The following CNTNAP2 variants were observed in gnomAD, a reference collection of about 807,000 sequenced individuals.
CNTNAP2 encodes the protein contactin-associated protein-like 2.
CNTNAP2 carries 98 observed loss-of-function variants against 155.2 expected under a neutral mutation model. That is an observed-to-expected ratio of 0.63 (90% CI 0.54 to 0.75). The LOEUF (loss-of-function observed/expected upper bound fraction) is 0.75. Ranked by LOEUF, CNTNAP2 falls within the 30% of genes least tolerant of loss-of-function variation. The pLI is 0.00. For missense variants in CNTNAP2, 1,727 were observed against 1,688.1 expected (o/e 1.02, Z -0.40); for synonymous variants, 651 against 631.2 (o/e 1.03, Z -0.47).
intron 21 of CNTNAP2, among the ~76,000 whole-genome samples, chr7:148,351,361 G>A (rs76565656): frequency 0.12 from 18,769 of 152,022 alleles, 1,878 homozygotes; most frequent in East Asian, 0.5. Context: ...GAGAGGAGCT[G>A]GGGAAATGCA....
intron 21 of CNTNAP2, among the ~76,000 whole-genome samples, chr7:148,313,107 A>G (rs778357546): frequency 6.6e-6 from 1 of 151,498 alleles, no homozygotes; most frequent in Non-Finnish European, 1.5e-5. Context: ...AGAGTTGGGG[A>G]GTTTTAAGAG....
At chr7:146,533,144 A>G (rs1245005504) in intron 1 of CNTNAP2, among the ~76,000 whole-genome samples, 1 of 149,210 alleles carries the variant, frequency 6.7e-6, no homozygotes, top group African/African-American at 2.5e-5. Context: ...AAGCTGAATC[A>G]TACAGCCCTC....
intron 1 of CNTNAP2, among the ~76,000 whole-genome samples, chr7:146,362,536 T>C (rs1249593320): frequency 2.6e-5 from 4 of 152,020 alleles, no homozygotes; most frequent in Non-Finnish European, 4.4e-5. Context: ...AGGCAAGAAA[T>C]ATGTTTTCAT....
chr7:147,730,865 A>G (rs1037381541), intron 13 of CNTNAP2, among the ~76,000 whole-genome samples: 3 of 152,152 alleles, frequency 2.0e-5, no homozygotes, highest in Non-Finnish European at 4.4e-5. Context: ...CAGTGAAAAC[A>G]TGAACGATAG....
intron 13 of CNTNAP2, among the ~76,000 whole-genome samples, chr7:147,661,206 C>T (rs1341985228): frequency 6.6e-6 from 1 of 152,110 alleles, no homozygotes; most frequent in African/African-American, 2.4e-5. Context: ...CTCAAAAATC[C>T]AAATATTTCC....
rs551112312 is a variant in CNTNAP2 at position 146,415,796 on chromosome 7, A to T, written c.97+298823A>T. Among the ~76,000 whole-genome samples, 17 of 152,230 alleles carry T rather than the reference A, an allele frequency of 1.1e-4. No homozygotes were observed. In the South Asian group the frequency reaches 3.3e-3, roughly 30 times the overall value. ...CGATAAATTTAAAAAATTACAAGTG[A>T]TATTTATATATGTAAAATGAGGGAA... is the stretch of plus-strand genomic sequence containing the variant. On this transcript the variant is annotated intron_variant, in intron 1 of 23. Coordinates refer to ENST00000361727, the MANE Select transcript of CNTNAP2 (RefSeq NM_014141.6).
At chr7:148,180,178 C>T (rs1197301332) in intron 18 of CNTNAP2, among the ~76,000 whole-genome samples, 2 of 152,188 alleles carry the variant, frequency 1.3e-5, no homozygotes, top group African/African-American at 4.8e-5. Flanking sequence ...TCTTAATAAT[C>T]CCAGCTTGGA....
intron 11 of CNTNAP2, among the ~76,000 whole-genome samples, chr7:147,505,114 G>A (rs950285373): frequency 2.6e-5 from 4 of 152,042 alleles, no homozygotes; most frequent in African/African-American, 9.7e-5. Context: ...ATGCTGCAAA[G>A]CTCACTCCGG....
intron 9 of CNTNAP2, among the ~76,000 whole-genome samples, chr7:147,318,391 G>A (rs1011104420): frequency 1.3e-5 from 2 of 152,204 alleles, no homozygotes; most frequent in Non-Finnish European, 2.9e-5. Context: ...CCAAGATCGT[G>A]CCACTGCACT....
intron 1 of CNTNAP2, among the ~76,000 whole-genome samples, chr7:146,567,041 G>GT (rs1396841523): frequency 6.6e-6 from 1 of 152,224 alleles, no homozygotes; most frequent in Non-Finnish European, 1.5e-5. Flanking sequence ...TTATTTCCTG[G>GT]TTTAAGTGAT....
intron 18 of CNTNAP2, among the ~76,000 whole-genome samples, chr7:148,212,748 A>C (rs1056037305): frequency 6.6e-6 from 1 of 152,126 alleles, no homozygotes; most frequent in Non-Finnish European, 1.5e-5. Context: ...CAGTACCCTG[A>C]TTTGGCATTT....
chr7:147,044,168 T>C, intron 4 of CNTNAP2, 114 bp downstream of exon 4: 11 of 1,132,674 alleles, frequency 9.7e-6, no homozygotes, highest in Non-Finnish European at 9.2e-6. Context: ...AACTACCTTC[T>C]CATTTACATA....
At chr7:147,805,875 A>G (rs1766449200) in intron 13 of CNTNAP2, among the ~76,000 whole-genome samples, 2 of 152,186 alleles carry the variant, frequency 1.3e-5, no homozygotes, top group Non-Finnish European at 2.9e-5. Flanking sequence ...GCTTCAATGT[A>G]AGACCTGAAA....
At chr7:146,191,500 G>A (rs530187120) in intron 1 of CNTNAP2, among the ~76,000 whole-genome samples, 1 of 152,296 alleles carries the variant, frequency 6.6e-6, no homozygotes, top group East Asian at 1.9e-4. Flanking sequence ...TTTGAGAGCA[G>A]ACAGCCGGTC....
intron 15 of CNTNAP2, among the ~76,000 whole-genome samples, chr7:148,080,826 G>A (rs1420349467): frequency 3.3e-5 from 5 of 152,120 alleles, no homozygotes; most frequent in Non-Finnish European, 7.3e-5. Context: ...GTCAACATAC[G>A]TGGGGATCTT....
intron 13 of CNTNAP2, among the ~76,000 whole-genome samples, chr7:147,738,800 A>G (rs1447382292): frequency 2.0e-5 from 3 of 151,768 alleles, no homozygotes; most frequent in Non-Finnish European, 4.4e-5. Flanking sequence ...GATTACAGGC[A>G]TGTGCCACCG....
At chr7:146,775,964 A>T (rs528926921) in intron 2 of CNTNAP2, among the ~76,000 whole-genome samples, 1 of 152,266 alleles carries the variant, frequency 6.6e-6, no homozygotes, top group South Asian at 2.1e-4. Flanking sequence ...GGCTATGGAC[A>T]TGAGAGAGTT....
At chr7:146,888,627 A>G (rs961168665) in intron 3 of CNTNAP2, among the ~76,000 whole-genome samples, 1 of 152,048 alleles carries the variant, frequency 6.6e-6, no homozygotes, top group African/African-American at 2.4e-5. Flanking sequence ...AATTTGGTCC[A>G]GATTATATAG....
intron 1 of CNTNAP2, among the ~76,000 whole-genome samples, chr7:146,397,079 C>T (rs1563068970): frequency 6.6e-6 from 1 of 152,006 alleles, no homozygotes; most frequent in Non-Finnish European, 1.5e-5. Flanking sequence ...TTTTACTTTC[C>T]AACTAGAATG....
Sources: gnomAD v4.1 joint callset for allele counts (sites outside exome capture counted in the v4.1 genomes callset) on GRCh38, gnomAD v4.1.1 for gene constraint, MANE v1.5 for transcripts, NCBI Gene and HGNC (gene_info 2026-07-23, HGNC 2026-07-21) for gene names.